The following TET3 variants were observed in gnomAD, a reference collection of about 807,000 sequenced individuals.
TET3 encodes the protein methylcytosine dioxygenase TET3.
TET3 carries 19 observed loss-of-function variants against 141.4 expected under a neutral mutation model. The ratio of observed to expected loss-of-function variants is 0.13; its 90% CI spans 0.09 to 0.20. The LOEUF (loss-of-function observed/expected upper bound fraction) is 0.20. Ranked by LOEUF, TET3 falls within the 10% of genes least tolerant of loss-of-function variation. TET3 has a pLI of 1.00. For missense variants in TET3, 1,874 were observed against 2,356.9 expected, an observed-to-expected ratio of 0.80 and a Z score of 4.24; for synonymous variants, 1,043 against 980.9, an observed-to-expected ratio of 1.06 and a Z score of -1.18.
the TET3 span, among the ~76,000 whole-genome samples, chr2:74,130,386 AC>A: frequency 1.3e-5 from 2 of 152,160 alleles, no homozygotes; most frequent in Non-Finnish European, 2.9e-5. Flanking sequence ...GCATAGCCCG[AC>A]CAGCAATATT....
In TET3 at chr2:74,101,202, C is replaced by G. The variant is rs1691188315; in HGVS notation, c.4414C>G (p.Leu1472Val). The change falls in exon 12 of 12, where the codon CTC becomes GTC. Residue 1472 changes from leucine (L) to valine (V), a missense_variant. This residue lies in a region of TET3 where 602 missense variants were observed against 590.2 expected (regional missense o/e 1.02). Transcript: ENST00000409262. This position sits in a 1 kb window ranked among gnomAD's most constrained non-coding sequence, Gnocchi z 8.5. ...GESPAIVPDK[L>V]SSFGASCLAP... ...GAGTCCTGCCATCGTCCCTGACAAGCTCAGTTCCTTTGGGGCCAGCTGCCT... is the reference window on the plus strand; with the variant it reads ...GAGTCCTGCCATCGTCCCTGACAAGGTCAGTTCCTTTGGGGCCAGCTGCCT... The G allele has an allele frequency of 6.2e-7, 1 of 1,613,472 alleles. No individual in the cohort carries two copies.
At chr2:74,063,485 C>G (rs1688707394) in intron 4 of TET3, among the ~76,000 whole-genome samples, 1 of 152,128 alleles carries the variant, frequency 6.6e-6, no homozygotes, top group African/African-American at 2.4e-5. Context: ...TGATGATATT[C>G]TAATTCTGTC....
Position 74,105,337 on chromosome 2 carries a change from G to C in TET3, c.*3161G>C, listed in dbSNP as rs1269092474. On this transcript the variant is annotated 3_prime_UTR_variant, in exon 12 of 12. Coordinates refer to ENST00000409262, the MANE Select transcript of TET3 (RefSeq NM_001287491.2). ...CTGCTCTGTTTTGTTTTCCCTGCCT[G>C]TTGCGTGCAAGGGAAGTGCTTGTAA... is the stretch of plus-strand genomic sequence containing the variant. 2.5e-6 allele frequency: 1 copy of C among 398,478 alleles called. No individual in the cohort carries two copies. Among genetic ancestry groups the C allele is most frequent in the African/African-American group, 2.1e-5 (1 of 48,620 alleles). 24.7% of individuals were successfully genotyped at this position (398,478 alleles called of 1,614,324 possible).
chr2:74,002,810 C>T (rs1177940945), intron 2 of TET3: 4 of 571,736 alleles, frequency 7.0e-6, no homozygotes, highest in Admixed American at 3.1e-5. Context: ...AGGTAGAGCG[C>T]GCGGGGCCGG....
chr2:74,110,561 T>C (rs1055586956), downstream of TET3, among the ~76,000 whole-genome samples: 10 of 152,200 alleles, frequency 6.6e-5, no homozygotes, highest in African/African-American at 2.4e-4. Context: ...TGTACATTCT[T>C]GTCAGAGCCA....
intron 10 of TET3, among the ~76,000 whole-genome samples, chr2:74,095,513 A>T (rs898647788): frequency 6.6e-6 from 1 of 152,240 alleles, no homozygotes; most frequent in Non-Finnish European, 1.5e-5. Flanking sequence ...AAATAATATT[A>T]AAAAGGTTGC....
At chr2:74,091,973 G>A (rs574174339) in intron 8 of TET3, among the ~76,000 whole-genome samples, 29 of 152,298 alleles carry the variant, frequency 1.9e-4, no homozygotes, top group Middle Eastern at 3.4e-3. Context: ...TTTAAAATGG[G>A]ACTAGTGCAA....
upstream of TET3, among the ~76,000 whole-genome samples, chr2:73,984,831 TCGGCGGGGCC>T (rs1171763272): frequency 7.0e-6 from 1 of 143,776 alleles, no homozygotes; most frequent in East Asian, 2.1e-4. This position sits in a 1 kb window ranked among gnomAD's most constrained non-coding sequence, Gnocchi z 5.6. Flanking sequence ...CCGGCGGGGC[TCGGCGGGGCC>T]GCACGTGTGC....
chr2:74,018,725 GT>G, intron 3 of TET3, among the ~76,000 whole-genome samples: 1 of 145,282 alleles, frequency 6.9e-6, no homozygotes, highest in African/African-American at 2.6e-5. Context: ...TAATACTTTG[GT>G]TTAAAACATA....
downstream of TET3, among the ~76,000 whole-genome samples, chr2:74,110,593 GA>G (rs1428841952): frequency 6.6e-6 from 1 of 152,142 alleles, no homozygotes; most frequent in Admixed American, 6.5e-5. Flanking sequence ...TAGAAGACGT[GA>G]AAGACAAAGC....
the TET3 span, among the ~76,000 whole-genome samples, chr2:74,126,624 CCCA>C: frequency 6.6e-6 from 1 of 150,634 alleles, no homozygotes; most frequent in Admixed American, 6.7e-5. Flanking sequence ...GCCTCAGTGT[CCCA>C]CGTAGCTGGG....
chr2:74,000,913 C>G (rs1019530719), intron 2 of TET3, among the ~76,000 whole-genome samples: 1 of 152,110 alleles, frequency 6.6e-6, no homozygotes, highest in South Asian at 2.1e-4. Flanking sequence ...CTGCAGCAAC[C>G]GTACTAGTTG....
chr2:74,012,434 CAGGCACACAGGGGTA>C (rs1685484845), intron 3 of TET3, among the ~76,000 whole-genome samples: 2 of 152,216 alleles, frequency 1.3e-5, no homozygotes, highest in African/African-American at 4.8e-5. Flanking sequence ...ATGTGTGGGG[CAGGCACACAGGGGTA>C]AAGTTTTCAT....
At chr2:73,986,732 C>G in intron 2 of TET3, 26 bp downstream of exon 2, 1 of 1,231,662 alleles carries the variant, frequency 8.1e-7, no homozygotes, top group East Asian at 3.2e-5. Context: ...CTGGGCTACC[C>G]TGTTCCTTCC....
In TET3 at chr2:74,046,430, G is replaced by T; in HGVS notation, c.513G>T (p.Gly171=). The T allele has an allele frequency of 6.3e-7, 1 of 1,595,556 alleles. No individual in the cohort carries two copies. Among genetic ancestry groups the T allele is most frequent in the Non-Finnish European group, 8.5e-7 (1 of 1,170,550 alleles). The change falls in exon 4 of 12, where the codon GGG becomes GGT. Residue 171 remains glycine, a synonymous_variant. Coordinates refer to ENST00000409262, the MANE Select transcript of TET3 (RefSeq NM_001287491.2). This position sits in a 1 kb window ranked among gnomAD's most constrained non-coding sequence, Gnocchi z 4.3. ...CTGGACCCAGTCTGCTGGGGACTGG[G>T]GGTCCTTGGCGGGTAGACCAAAAGC... ...EPAGPSLLGT[G]GPWRVDQKPD...
intron 8 of TET3, among the ~76,000 whole-genome samples, chr2:74,090,333 G>A (rs936757964): frequency 2.6e-5 from 4 of 152,128 alleles, no homozygotes; most frequent in Admixed American, 1.3e-4. Context: ...TATTCAAATC[G>A]CTTGTCAGAA....
At chr2:74,131,055 C>G in the TET3 span, 6 of 151,656 alleles carry the variant, frequency 4.0e-5, no homozygotes, top group Admixed American at 2.0e-4. Context: ...GGAGAGTCCC[C>G]CTGTACGGTG....
At chr2:74,072,512 A>G (rs1001401363) in intron 4 of TET3, among the ~76,000 whole-genome samples, 9 of 129,540 alleles carry the variant, frequency 6.9e-5, no homozygotes, top group East Asian at 2.1e-4. Context: ...AACTCCATCT[A>G]AAAAAAAAAA....
chr2:74,033,281 C>T (rs536391691), intron 3 of TET3, among the ~76,000 whole-genome samples: 1 of 152,334 alleles, frequency 6.6e-6, no homozygotes, highest in African/African-American at 2.4e-5. Context: ...GTTAACATTT[C>T]TGTATGATTC....
Sources: gnomAD v4.1 joint callset for allele counts (sites outside exome capture counted in the v4.1 genomes callset) on GRCh38, gnomAD v4.1.1 for gene constraint, gnomAD v4.1.1 regional missense constraint, Gnocchi (gnomAD v3.1) non-coding constraint, MANE v1.5 for transcripts, NCBI Gene and HGNC (gene_info 2026-07-23, HGNC 2026-07-21) for gene names.